Variants in ESR1 observed in about 807,000 individuals in gnomAD.
The protein encoded by ESR1 is estrogen receptor 1.
Under a neutral mutation model 52.7 loss-of-function variants are expected in ESR1, and 12 were observed. That is an observed-to-expected ratio of 0.23 (90% confidence interval 0.15 to 0.37). The LOEUF (loss-of-function observed/expected upper bound fraction) is 0.37. Among genes scored for constraint, ESR1 ranks in the 10% least tolerant of loss-of-function variants. The pLI, the probability that ESR1 is intolerant of heterozygous loss-of-function variation, is 1.00. For missense variants in ESR1, 584 were observed against 779.7 expected (o/e 0.75, Z 2.99); for synonymous variants, 305 against 316.8 (o/e 0.96, Z 0.39).
intron 1 of ESR1, among the ~76,000 whole-genome samples, chr6:151,827,022 A>G (rs534937223): frequency 1.3e-5 from 2 of 152,246 alleles, no homozygotes; most frequent in East Asian, 3.9e-4. Context: ...CATGGCTGGC[A>G]CGGAGTAAGA....
rs144432625 is a variant in ESR1 at position 152,035,163 on chromosome 6, G to C, written c.1235+23369G>C. 3.1e-3 allele frequency among the ~76,000 whole-genome samples: 464 copies of C among 152,114 alleles called. 6 individuals carry two copies. The highest frequency in any genetic ancestry group is 0.011 in the African/African-American group (439 of 41,508). The stretch of plus-strand genomic sequence containing the variant: ...TCCTATTTAAAACATTCTTAGATAA[G>C]AACTTCCTTTGTTATTTTGCTAATA... On this transcript the variant is annotated intron_variant, in intron 5 of 7. Coordinates refer to ENST00000206249, the MANE Select transcript of ESR1 (RefSeq NM_000125.4).
At chr6:151,685,222 T>C (rs959929382) in intron 1 of ESR1, among the ~76,000 whole-genome samples, 16 of 142,870 alleles carry the variant, frequency 1.1e-4, no homozygotes, top group South Asian at 7.1e-4. Context: ...CAAGCTCCGC[T>C]TCCCGGGTTC....
intron 1 of ESR1, among the ~76,000 whole-genome samples, chr6:151,669,189 A>AGAGAGAGAGAGAGAG (rs774737323): frequency 1.1e-4 from 10 of 87,112 alleles, no homozygotes; most frequent in East Asian, 5.3e-4. Context: ...AGAGAGAGAG[A>AGAGAGAGAGAGAGAG]TGGGAATCCA....
At chr6:151,770,603 C>T (rs554952264) in intron 2 of ESR1, among the ~76,000 whole-genome samples, 6 of 151,898 alleles carry the variant, frequency 4.0e-5, no homozygotes, top group East Asian at 1.9e-4. Context: ...TCTTTCCAAG[C>T]GGTAAAGGTG....
chr6:151,708,912 G>A (rs967871896), intron 2 of ESR1, among the ~76,000 whole-genome samples: 2 of 151,994 alleles, frequency 1.3e-5, no homozygotes. Flanking sequence ...ACACGTTGTG[G>A]AATGGCTAAA....
intron 2 of ESR1, among the ~76,000 whole-genome samples, chr6:151,776,284 A>G (rs1489793122): frequency 6.6e-6 from 1 of 152,200 alleles, no homozygotes; most frequent in East Asian, 1.9e-4. Context: ...ATTAGGAAAA[A>G]GAGACCCAGG....
At chr6:151,839,476 A>T (rs1783928514) in intron 1 of ESR1, among the ~76,000 whole-genome samples, 2 of 152,220 alleles carry the variant, frequency 1.3e-5, no homozygotes. Flanking sequence ...TGATCCAGTA[A>T]TTCTACTTCT....
chr6:151,738,472 A>G (rs1238519268), intron 2 of ESR1, among the ~76,000 whole-genome samples: 4 of 152,312 alleles, frequency 2.6e-5, no homozygotes, highest in South Asian at 4.1e-4. Flanking sequence ...CCATTTCACA[A>G]TCCCACCAAC....
rs2047513152 is a variant in ESR1 at position 152,061,188 on chromosome 6, A to G, written c.1369+64A>G. On this transcript the variant is annotated intron_variant, in intron 6 of 7. Transcript: ENST00000206249. This position sits in a 1 kb window ranked among gnomAD's most constrained non-coding sequence, Gnocchi z 4.3. ...ATGTTTATTTGTAGTTTTCAACCAG[A>G]TACGATCTACCCACTCCAAAGGCAT... The G allele has an allele frequency of 1.3e-6, 2 of 1,515,764 alleles. No homozygotes were observed. The highest frequency in any genetic ancestry group is 1.8e-6 in the Non-Finnish European group (2 of 1,092,494). 93.9% of individuals were successfully genotyped at this position (1,515,764 alleles called of 1,614,324 possible).
chr6:151,841,779 C>T (rs1784330147), intron 1 of ESR1, among the ~76,000 whole-genome samples: 1 of 151,918 alleles, frequency 6.6e-6, no homozygotes, highest in African/African-American at 2.4e-5. Context: ...CATGATCAAT[C>T]ATAGCCTACT....
At chr6:151,877,955 A>C (rs937145247) in intron 2 of ESR1, among the ~76,000 whole-genome samples, 1 of 151,896 alleles carries the variant, frequency 6.6e-6, no homozygotes, top group South Asian at 2.1e-4. Context: ...GATTACAGGC[A>C]TGTGCCATCA....
At chr6:151,974,435 C>A (rs184711612) in intron 4 of ESR1, among the ~76,000 whole-genome samples, 2 of 152,178 alleles carry the variant, frequency 1.3e-5, no homozygotes, top group Non-Finnish European at 2.9e-5. Context: ...CACTGAAACA[C>A]GTGGTCTGAT....
upstream of ESR1, chr6:151,690,365 A>G (rs542324027): frequency 1.3e-5 from 2 of 152,316 alleles, no homozygotes; most frequent in East Asian, 3.9e-4. Flanking sequence ...AAGTGCTAAG[A>G]AAGTTAGATT....
At chr6:151,931,145 CCTTT>C (rs1283990025) in intron 3 of ESR1, among the ~76,000 whole-genome samples, 1 of 151,956 alleles carries the variant, frequency 6.6e-6, no homozygotes, top group Non-Finnish European at 1.5e-5. Context: ...TTCTTCTTCG[CCTTT>C]CTTTTTTTTT....
intron 1 of ESR1, among the ~76,000 whole-genome samples, chr6:151,810,149 G>A (rs762316784): frequency 8.6e-5 from 13 of 151,980 alleles, no homozygotes; most frequent in East Asian, 1.9e-4. Flanking sequence ...AGAGGGGATC[G>A]CATCTTATTC....
At chr6:152,029,666 T>C (rs7752218) in intron 5 of ESR1, among the ~76,000 whole-genome samples, 66,806 of 151,962 alleles carry the variant, frequency 0.44, 16,606 homozygotes, top group African/African-American at 0.67. Context: ...TACGTCTGAT[T>C]GGTGTACCTG....
chr6:152,090,817 C>T (rs571745529), intron 6 of ESR1, among the ~76,000 whole-genome samples: 7 of 152,258 alleles, frequency 4.6e-5, no homozygotes, highest in South Asian at 4.2e-4. Flanking sequence ...GGGGTGTCCT[C>T]GTGGCTTCAC....
chr6:152,020,119 C>T (rs899760910), intron 5 of ESR1, among the ~76,000 whole-genome samples: 10 of 152,290 alleles, frequency 6.6e-5, no homozygotes, highest in African/African-American at 2.2e-4. Context: ...ACTTTCTAAA[C>T]GCTATGGATT....
At chr6:151,837,736 A>G (rs921405002) in intron 1 of ESR1, among the ~76,000 whole-genome samples, 2 of 152,148 alleles carry the variant, frequency 1.3e-5, no homozygotes, top group East Asian at 1.9e-4. Flanking sequence ...AAACCAGTCA[A>G]CTTTCTATCT....
Sources: gnomAD v4.1 joint callset for allele counts (sites outside exome capture counted in the v4.1 genomes callset) on GRCh38, gnomAD v4.1.1 for gene constraint, Gnocchi (gnomAD v3.1) non-coding constraint, MANE v1.5 for transcripts, NCBI Gene and HGNC (gene_info 2026-07-23, HGNC 2026-07-21) for gene names.